MTPN: variants seen among roughly 807,000 people sequenced by gnomAD.
MTPN encodes the protein myotrophin.
In MTPN, 2 loss-of-function variants were observed where a neutral mutation model predicts 13.5. That is an observed-to-expected ratio of 0.15 (90% CI 0.06 to 0.47). The LOEUF (loss-of-function observed/expected upper bound fraction) is 0.47, where lower values mean the gene tolerates loss of function less well. Among genes scored for constraint, MTPN ranks in the 20% least tolerant of loss-of-function variants. The pLI is 0.97. For synonymous variants in MTPN, 46 were observed against 51.7 expected (o/e 0.89, Z 0.48); for missense variants, 79 against 137.9 (o/e 0.57, Z 2.14).
At chr7:135,954,508 A>G (rs995425819) in intron 1 of MTPN, among the ~76,000 whole-genome samples, 24 of 152,242 alleles carry the variant, frequency 1.6e-4, no homozygotes, top group African/African-American at 5.8e-4. Flanking sequence ...TTTGCCCCCC[A>G]TTATTAACAT....
At chr7:135,939,170 T>A (rs932821684) in intron 3 of MTPN, among the ~76,000 whole-genome samples, 1 of 152,184 alleles carries the variant, frequency 6.6e-6, no homozygotes, top group African/African-American at 2.4e-5. Context: ...ATACAGTGTG[T>A]ACTTCCTTTT....
chr7:135,929,974 G>T lies in MTPN; in HGVS notation c.309C>A (p.Thr103=). Residue 103 remains threonine (T), a synonymous_variant, in exon 4 of 4, where the codon ACC becomes ACA. Coordinates refer to ENST00000393085, the MANE Select transcript of MTPN (RefSeq NM_145808.4). ...CCTGGTTGTCAGTGGCTTCAAAGGC[G>T]GTCAGTCCATCTGGGCCTTTCACAG... ...DKTVKGPDGL[T]AFEATDNQAI... is the part of the protein sequence containing the mutation. 6.2e-7 allele frequency: 1 copy of T among 1,613,972 alleles called. No individual in the cohort carries two copies.
intron 1 of MTPN, among the ~76,000 whole-genome samples, chr7:135,965,343 G>A (rs1247322994): frequency 6.6e-6 from 1 of 152,066 alleles, no homozygotes; most frequent in Non-Finnish European, 1.5e-5. Context: ...GTCAAGGTTA[G>A]TAAGTAGACA....
intron 1 of MTPN, among the ~76,000 whole-genome samples, chr7:135,972,231 GCA>G (rs67168370): frequency 0.02 from 2,493 of 124,540 alleles, 33 homozygotes; most frequent in Middle Eastern, 0.073. Flanking sequence ...GCACGCGCGC[GCA>G]CACACACACA....
intron 3 of MTPN, among the ~76,000 whole-genome samples, chr7:135,943,972 C>G (rs1277170409): frequency 6.6e-6 from 1 of 152,128 alleles, no homozygotes; most frequent in African/African-American, 2.4e-5. Flanking sequence ...ATTCTCAACT[C>G]ATGGGATTCT....
intron 3 of MTPN, among the ~76,000 whole-genome samples, chr7:135,941,463 ATCTCT>A (rs1799208964): frequency 7.0e-6 from 1 of 142,158 alleles, no homozygotes; most frequent in Admixed American, 7.0e-5. Context: ...CTGTTGTCTC[ATCTCT>A]TTAACTTTTC....
intron 1 of MTPN, among the ~76,000 whole-genome samples, chr7:135,969,099 G>GGGA (rs1554395535): frequency 2.1e-4 from 17 of 80,316 alleles, no homozygotes; most frequent in African/African-American, 7.3e-4. Flanking sequence ...GGGGGGGGGG[G>GGGA]AGGAGGGAGG....
chr7:135,929,832 G>A lies in MTPN; in HGVS notation c.*94C>T. ...CTCACCCCTCTTAAAGTATTTAGCT[G>A]AAGAAGCTGGCAGATAGAGAGTGAC... On this transcript the variant is annotated 3_prime_UTR_variant, in exon 4 of 4. Transcript: ENST00000393085. 5 of 1,220,978 alleles carry A rather than the reference G, an allele frequency of 4.1e-6. No homozygotes were observed. The highest frequency in any genetic ancestry group is 6.1e-6 in the Non-Finnish European group (5 of 825,822). The allele number at this position is 1,220,978 out of a possible 1,614,324, so 75.6% of individuals were successfully genotyped here. A position where few individuals can be genotyped will look rare whatever the true frequency, so the allele number is the denominator to read the frequency against.
At chr7:135,969,885 A>C (rs6948213) in intron 1 of MTPN, among the ~76,000 whole-genome samples, 2 of 152,126 alleles carry the variant, frequency 1.3e-5, no homozygotes, top group Non-Finnish European at 2.9e-5. Context: ...GACATAAACA[A>C]TCATTTTTCA....
In MTPN at chr7:135,958,964, A is replaced by T. The variant is rs117975902; in HGVS notation, c.73-7334T>A. On this transcript the variant is annotated intron_variant, in intron 1 of 3. Transcript: ENST00000393085. The stretch of plus-strand genomic sequence containing the variant: ...AGCATGATTTCTAACCGATCCCCTG[A>T]TAAGTGTTATAAACCACTCCATTGC... Among the ~76,000 whole-genome samples, 81 of 152,310 alleles carry T rather than the reference A, an allele frequency of 5.3e-4. 2 individuals carry two copies. In the East Asian group the frequency reaches 0.013, roughly 24 times the overall value.
chr7:135,952,002 T>C (rs566716509), intron 1 of MTPN, among the ~76,000 whole-genome samples: 5 of 152,350 alleles, frequency 3.3e-5, no homozygotes, highest in African/African-American at 1.2e-4. Context: ...ATTTTAATTC[T>C]TCAAAGAAAG....
At chr7:135,933,556 A>ATAGTT (rs1799062690) in intron 3 of MTPN, among the ~76,000 whole-genome samples, 2 of 152,282 alleles carry the variant, frequency 1.3e-5, no homozygotes, top group South Asian at 4.1e-4. Context: ...ATCAATTCTT[A>ATAGTT]TAGTTAAGTA....
chr7:135,967,694 C>T lies in MTPN; in HGVS notation c.72+9335G>A, dbSNP rs1397057090. Among the ~76,000 whole-genome samples, 3 of 152,100 alleles carry T rather than the reference C, an allele frequency of 2.0e-5. No individual in the cohort carries two copies. In the East Asian group the frequency reaches 5.8e-4, roughly 29 times the overall value. On this transcript the variant is annotated intron_variant, in intron 1 of 3. Transcript: ENST00000393085. Reference sequence around the variant, plus strand: ...AATATTTACTAGCACTCACCATATGCCAGGCACAATGGTACACAGTTTACA... The same window carrying T: ...AATATTTACTAGCACTCACCATATGTCAGGCACAATGGTACACAGTTTACA...
chr7:135,963,144 T>C (rs2116396806), intron 1 of MTPN, among the ~76,000 whole-genome samples: 1 of 152,186 alleles, frequency 6.6e-6, no homozygotes, highest in East Asian at 1.9e-4. Context: ...GTTGAGTCGA[T>C]GTCCCCAATA....
At chr7:135,969,239 A>T (rs1321834828) in intron 1 of MTPN, among the ~76,000 whole-genome samples, 3 of 39,144 alleles carry the variant, frequency 7.7e-5, no homozygotes, top group East Asian at 1.2e-3. Context: ...AAAGTATAAT[A>T]AAAAAAAAAA....
At chr7:135,951,674 G>A in intron 1 of MTPN, 44 bp from the exon 2 acceptor site, 1 of 1,330,950 alleles carries the variant, frequency 7.5e-7, no homozygotes, top group Non-Finnish European at 1.1e-6. Flanking sequence ...ATGAATGGAA[G>A]ACTGAAGAAG....
At chr7:135,945,158 A>G (rs1238064121) in intron 3 of MTPN, among the ~76,000 whole-genome samples, 2 of 152,226 alleles carry the variant, frequency 1.3e-5, no homozygotes, top group Non-Finnish European at 1.5e-5. Context: ...CTCATCATCA[A>G]TGAAGCCTGC....
At chr7:135,976,927 T>TAC in intron 1 of MTPN, 102 bp downstream of exon 1, 3 of 410,734 alleles carry the variant, frequency 7.3e-6, no homozygotes, top group Non-Finnish European at 1.5e-5. Context: ...AAGTCTCTCC[T>TAC]CCCGCCCACC....
intron 1 of MTPN, among the ~76,000 whole-genome samples, chr7:135,972,231 G>GCGCGCGCGCACACACACACA (rs779296906): frequency 9.3e-4 from 116 of 124,718 alleles, no homozygotes; most frequent in African/African-American, 3.3e-3. Flanking sequence ...GCACGCGCGC[G>GCGCGCGCGCACACACACACA]CACACACACA....
Sources: allele counts gnomAD v4.1 joint callset (sites outside exome capture counted in the v4.1 genomes callset), GRCh38; gene constraint gnomAD v4.1.1; transcripts MANE v1.5; gene names NCBI Gene and HGNC (gene_info 2026-07-23, HGNC 2026-07-21).